The following UGT2A2 variants were observed in gnomAD, a reference collection of about 807,000 sequenced individuals.
UGT2A2 encodes the protein UDP glucuronosyltransferase family 2 member A2.
In UGT2A2, 60 loss-of-function variants were observed where a neutral mutation model predicts 50.7. The observed-to-expected ratio is 1.18, with a 90% CI of 0.96 to 1.47. The LOEUF is 1.47. UGT2A2 is among the 40% of genes most tolerant of loss of function. The pLI, the probability that UGT2A2 is intolerant of heterozygous loss-of-function variation, is 0.00. For missense variants in UGT2A2, 762 were observed against 634.0 expected (o/e 1.20, Z -2.17); for synonymous variants, 242 against 214.6 (o/e 1.13, Z -1.11).
intron 1 of UGT2A2, among the ~76,000 whole-genome samples, chr4:69,610,558 G>C (rs1394008456): frequency 6.6e-6 from 1 of 152,090 alleles, no homozygotes; most frequent in African/African-American, 2.4e-5. Context: ...GTTATGAATT[G>C]AATTGTACTC....
chr4:69,621,445 G>C (rs1720750008), intron 1 of UGT2A2, among the ~76,000 whole-genome samples: 1 of 151,822 alleles, frequency 6.6e-6, no homozygotes, highest in African/African-American at 2.4e-5. Context: ...CAAAACCACA[G>C]TGAGATACCA....
chr4:69,593,048 A>G (rs988883241), intron 5 of UGT2A2, among the ~76,000 whole-genome samples: 1 of 152,168 alleles, frequency 6.6e-6, no homozygotes, highest in Non-Finnish European at 1.5e-5. Flanking sequence ...CTGGAAGGCC[A>G]TAAGTAATAT....
Position 69,605,730 on chromosome 4 carries a change from A to G in UGT2A2, c.743-6336T>C, listed in dbSNP as rs1366944363. Among the ~76,000 whole-genome samples the G allele has an allele frequency of 1.5e-5, 2 of 137,066 alleles. 1 individual carries two copies. The highest frequency in any genetic ancestry group is 5.9e-5 in the African/African-American group (2 of 33,826). 89.9% of individuals were successfully genotyped at this position (137,066 alleles called of 152,430 possible). ...AATCAAATAGATGCAATAAAAAATG[A>G]TAAAGGGGATATCACCACCGATCCC... On this transcript the variant is annotated intron_variant, in intron 1 of 5. Coordinates refer to ENST00000604629, the MANE Select transcript of UGT2A2 (RefSeq NM_001105677.2).
At chr4:69,609,753 T>C (rs1213263696) in intron 1 of UGT2A2, among the ~76,000 whole-genome samples, 1 of 152,186 alleles carries the variant, frequency 6.6e-6, no homozygotes, top group African/African-American at 2.4e-5. Flanking sequence ...GTAAATACAA[T>C]TGTTCTTCTG....
At chr4:69,591,503 C>T (rs954801162) in intron 5 of UGT2A2, among the ~76,000 whole-genome samples, 1 of 152,188 alleles carries the variant, frequency 6.6e-6, no homozygotes, top group Non-Finnish European at 1.5e-5. Context: ...AGGAAGCCTT[C>T]AGGTAGTAGG....
chr4:69,633,975 G>C (rs1721528831), intron 1 of UGT2A2, among the ~76,000 whole-genome samples: 1 of 152,126 alleles, frequency 6.6e-6, no homozygotes, highest in Non-Finnish European at 1.5e-5. Flanking sequence ...GCCGCGCGCG[G>C]TGGCTCACGC....
rs1332311733 is a variant in UGT2A2 at position 69,598,406 on chromosome 4, C to T, written c.891+840G>A. ...CTGTACTCTATTTTGCTTCTCAACACTTTTTCTGTATAACATTTCTTATAT... is the reference window on the plus strand; with the variant it reads ...CTGTACTCTATTTTGCTTCTCAACATTTTTTCTGTATAACATTTCTTATAT... On this transcript the variant is annotated intron_variant, in intron 2 of 5. Transcript: ENST00000604629. Among the ~76,000 whole-genome samples the T allele has an allele frequency of 2.6e-5, 4 of 152,184 alleles. No homozygotes were observed. In the East Asian group the frequency reaches 7.7e-4, roughly 29 times the overall value.
At chr4:69,623,400 A>G (rs545738325) in intron 1 of UGT2A2, among the ~76,000 whole-genome samples, 2 of 151,912 alleles carry the variant, frequency 1.3e-5, no homozygotes, top group South Asian at 4.2e-4. Flanking sequence ...GTAACACCAC[A>G]AAGGCAGTGG....
In UGT2A2 at chr4:69,632,516, A is replaced by G. The variant is rs1188049008; in HGVS notation, c.742+6383T>C. On this transcript the variant is annotated intron_variant, in intron 1 of 5. Coordinates refer to ENST00000604629, the MANE Select transcript of UGT2A2 (RefSeq NM_001105677.2). ...GGAGGATAATTTCTATTTATGACCA[A>G]CTAAAAACAGGAGGGTGGCAAACTT... 4.6e-5 allele frequency among the ~76,000 whole-genome samples: 7 copies of G among 152,306 alleles called. No homozygotes were observed. The East Asian group carries it at 1.2e-3, about 25-fold the overall frequency.
chr4:69,590,519 C>G (rs148601925), intron 5 of UGT2A2, among the ~76,000 whole-genome samples: 40 of 152,016 alleles, frequency 2.6e-4, no homozygotes, highest in African/African-American at 9.2e-4. Flanking sequence ...ATGGTTTGTG[C>G]AGAGATGTCC....
At chr4:69,593,732 T>C (rs1718719375) in intron 5 of UGT2A2, among the ~76,000 whole-genome samples, 1 of 151,832 alleles carries the variant, frequency 6.6e-6, no homozygotes. Context: ...TCTCTCTGTG[T>C]GTATACATAT....
chr4:69,620,478 G>C (rs1438502665), intron 1 of UGT2A2, among the ~76,000 whole-genome samples: 1 of 150,878 alleles, frequency 6.6e-6, no homozygotes, highest in East Asian at 1.9e-4. Flanking sequence ...AGAAATCAGA[G>C]ATGACACAAA....
intron 2 of UGT2A2, among the ~76,000 whole-genome samples, 195 bp downstream of exon 2, chr4:69,599,051 C>T (rs931163749): frequency 3.9e-5 from 6 of 152,086 alleles, no homozygotes; most frequent in Admixed American, 2.6e-4. Context: ...TTTTATTCTT[C>T]AGTTTAAATT....
At chr4:69,627,107 G>T (rs1380421359) in intron 1 of UGT2A2, among the ~76,000 whole-genome samples, 1 of 151,784 alleles carries the variant, frequency 6.6e-6, no homozygotes, top group Admixed American at 6.6e-5. Context: ...GACAAAGAGA[G>T]AAAATATATT....
rs763752638 is a variant in UGT2A2, at chr4:69,599,378, T to A, written c.759A>T (p.Leu253Phe). Residue 253 changes from leucine to phenylalanine, a missense_variant, in exon 2 of 6, where the codon TTA becomes TTT. By Grantham distance (22) the Leu-to-Phe change is conservative. Transcript: ENST00000604629. Reference sequence around the variant, plus strand: ...TTTCAGCTTTCCCCATAGTCTCACATAACGTAGTGGGTCTTCCTGGAGAAA... The same window carrying A: ...TTTCAGCTTTCCCCATAGTCTCACAAAACGTAGTGGGTCTTCCTGGAGAAA... ...YSKILGRPTTLCETMGKAEIW... is the reference protein window; with the variant it reads ...YSKILGRPTTFCETMGKAEIW... 3 of 1,613,680 alleles carry A rather than the reference T, an allele frequency of 1.9e-6. No individual in the cohort carries two copies. The Admixed American group carries it at 5.0e-5, about 27-fold the overall frequency.
chr4:69,593,629 A>G (rs1291404644), intron 5 of UGT2A2, among the ~76,000 whole-genome samples: 1 of 151,696 alleles, frequency 6.6e-6, no homozygotes, highest in East Asian at 1.9e-4. Flanking sequence ...TCAATCTAAA[A>G]GCTGAATCAG....
chr4:69,639,014 G>A lies in UGT2A2; in HGVS notation c.627C>T (p.Leu209=). The change falls in exon 1 of 6, where the codon CTC becomes CTT. Residue 209 remains leucine (L), a synonymous_variant. Transcript: ENST00000604629. ...TTTCACCAAAGGTCATCTGGTCAGT[G>A]AGCTCTGATAAGGCTGCCGGTACAT... ...VSYVPAALSE[L]TDQMTFGERI... is the part of the protein sequence containing the mutation. 3 of 1,613,324 alleles carry A rather than the reference G, an allele frequency of 1.9e-6. No individual in the cohort carries two copies. The highest frequency in any genetic ancestry group is 2.5e-6 in the Non-Finnish European group (3 of 1,179,578).
chr4:69,632,787 C>T (rs1577993578), intron 1 of UGT2A2, among the ~76,000 whole-genome samples: 1 of 151,054 alleles, frequency 6.6e-6, no homozygotes, highest in Non-Finnish European at 1.5e-5. Context: ...ACTCTGGACG[C>T]AGAGGCAGGA....
At chr4:69,627,562 GAGAGAAAGAA>G (rs1356563143) in intron 1 of UGT2A2, among the ~76,000 whole-genome samples, 3 of 147,364 alleles carry the variant, frequency 2.0e-5, no homozygotes, top group African/African-American at 7.5e-5. Flanking sequence ...GAGAGAGAGA[GAGAGAAAGAA>G]AGAGAGAAAG....
Sources: allele counts gnomAD v4.1 joint callset (sites outside exome capture counted in the v4.1 genomes callset), GRCh38; gene constraint gnomAD v4.1.1; transcripts MANE v1.5; gene names NCBI Gene and HGNC (gene_info 2026-07-23, HGNC 2026-07-21).